The following KCNK1 variants were observed in gnomAD, a reference collection of about 807,000 sequenced individuals.
KCNK1 encodes the protein potassium two pore domain channel subfamily K member 1, also known as potassium channel subfamily K member 1.
Under a neutral mutation model 22.2 loss-of-function variants are expected in KCNK1, and 10 were observed. The ratio of observed to expected loss-of-function variants is 0.45; its 90% confidence interval spans 0.28 to 0.76. The LOEUF (loss-of-function observed/expected upper bound fraction) is 0.76, where lower values mean the gene tolerates loss of function less well. Among genes scored for constraint, KCNK1 ranks in the 30% least tolerant of loss-of-function variants. The probability of loss-of-function intolerance (pLI) is 0.14; values close to 1 mark genes in which losing one functional copy is unlikely to be tolerated. For synonymous variants in KCNK1, 200 were observed against 186.4 expected (o/e 1.07, Z -0.60); for missense variants, 378 against 421.0 (o/e 0.90, Z 0.89).
intron 1 of KCNK1, among the ~76,000 whole-genome samples, chr1:233,628,862 A>G (rs554811333): frequency 6.6e-5 from 10 of 152,222 alleles, no homozygotes; most frequent in South Asian, 6.2e-4. Context: ...GTTCAGAGAT[A>G]CTGAATGACC....
chr1:233,631,511 T>A (rs989219146), intron 1 of KCNK1: 1 of 340,776 alleles, frequency 2.9e-6, no homozygotes, highest in Non-Finnish European at 5.8e-6. Flanking sequence ...TTAATCTAAC[T>A]GAATTTCTCC....
At chr1:233,649,105 GA>G (rs1331435153) in intron 1 of KCNK1, among the ~76,000 whole-genome samples, 3 of 152,150 alleles carry the variant, frequency 2.0e-5, no homozygotes, top group Non-Finnish European at 4.4e-5. Context: ...AAACACTTAG[GA>G]GGAGTAAAAA....
At chr1:233,632,203 C>G (rs1302995110) in intron 1 of KCNK1, among the ~76,000 whole-genome samples, 1 of 152,198 alleles carries the variant, frequency 6.6e-6, no homozygotes, top group Non-Finnish European at 1.5e-5. Context: ...ATTTTATTCC[C>G]ACAGGCTGCT....
chr1:233,632,443 G>T lies in KCNK1; in HGVS notation c.355+17917G>T, dbSNP rs1773989. 5.4e-3 allele frequency among the ~76,000 whole-genome samples: 827 copies of T among 152,190 alleles called. 9 individuals are homozygous for T. The highest frequency in any genetic ancestry group is 0.019 in the African/African-American group (798 of 41,510). ...AGTTAATGAACTAATGAACCTCAGG[G>T]TTCATTTTTTTATAACCTTACCGGG... On this transcript the variant is annotated intron_variant, in intron 1 of 2. Transcript: ENST00000366621.
intron 2 of KCNK1, 114 bp from the exon 3 acceptor site, chr1:233,671,157 T>G: frequency 2.8e-5 from 26 of 923,690 alleles, no homozygotes; most frequent in Middle Eastern, 2.9e-4. Context: ...AAACTGGCAA[T>G]GAGTTTATTC....
intron 1 of KCNK1, among the ~76,000 whole-genome samples, chr1:233,616,308 G>T (rs1035553043): frequency 6.6e-5 from 10 of 152,164 alleles, no homozygotes; most frequent in African/African-American, 2.4e-4. Flanking sequence ...GAGGAAAAAG[G>T]TTTGCTTTTA....
At chr1:233,641,436 A>G (rs1045638400) in intron 1 of KCNK1, among the ~76,000 whole-genome samples, 13 of 152,230 alleles carry the variant, frequency 8.5e-5, no homozygotes, top group Admixed American at 7.8e-4. Flanking sequence ...TGATTATTGT[A>G]ATACAAGTGA....
chr1:233,620,432 T>A (rs1007611599), intron 1 of KCNK1, among the ~76,000 whole-genome samples: 1 of 152,252 alleles, frequency 6.6e-6, no homozygotes, highest in South Asian at 2.1e-4. Context: ...GAATAAATTA[T>A]GTATCACCAC....
chr1:233,657,743 C>G (rs1658324920), intron 1 of KCNK1, among the ~76,000 whole-genome samples: 1 of 152,044 alleles, frequency 6.6e-6, no homozygotes, highest in Non-Finnish European at 1.5e-5. Context: ...ACAGCCTGGT[C>G]TGTTACCTAT....
At chr1:233,625,753 G>T (rs959427092) in intron 1 of KCNK1, among the ~76,000 whole-genome samples, 1 of 152,158 alleles carries the variant, frequency 6.6e-6, no homozygotes, top group Non-Finnish European at 1.5e-5. Context: ...AAGCCTTACT[G>T]AGAAGATGGC....
intron 1 of KCNK1, chr1:233,631,161 T>C (rs1182124169): frequency 6.8e-6 from 3 of 444,054 alleles, no homozygotes; most frequent in African/African-American, 6.2e-5. Context: ...TTGTCCATCA[T>C]CCACAGTCTA....
chr1:233,614,459 C>T lies in KCNK1; in HGVS notation c.288C>T (p.Ala96=). The part of the protein sequence containing the change: ...SNYGVSVLSN[A]SGNWNWDFTS... ...ACGGCGTGTCGGTGCTCAGCAACGCCTCGGGCAACTGGAACTGGGACTTCA... is the reference window on the plus strand; with the variant it reads ...ACGGCGTGTCGGTGCTCAGCAACGCTTCGGGCAACTGGAACTGGGACTTCA... Residue 96 remains alanine (A), a synonymous_variant, in exon 1 of 3, where the codon GCC becomes GCT. Coordinates refer to ENST00000366621, the MANE Select transcript of KCNK1 (RefSeq NM_002245.4). The T allele has an allele frequency of 6.2e-7, 1 of 1,613,324 alleles. No individual in the cohort carries two copies. Among genetic ancestry groups the T allele is most frequent in the Non-Finnish European group, 8.5e-7 (1 of 1,179,758 alleles).
chr1:233,616,256 C>A (rs1657486760), intron 1 of KCNK1, among the ~76,000 whole-genome samples: 1 of 152,068 alleles, frequency 6.6e-6, no homozygotes, highest in African/African-American at 2.4e-5. Context: ...TGTTTTCTTA[C>A]TAATGATATT....
At chr1:233,646,496 A>G (rs1658095701) in intron 1 of KCNK1, among the ~76,000 whole-genome samples, 1 of 152,106 alleles carries the variant, frequency 6.6e-6, no homozygotes, top group Non-Finnish European at 1.5e-5. Context: ...GATCCTCCTC[A>G]GCTCTCAAGG....
At chr1:233,639,181 A>T (rs1272413951) in intron 1 of KCNK1, among the ~76,000 whole-genome samples, 1 of 152,198 alleles carries the variant, frequency 6.6e-6, no homozygotes, top group Non-Finnish European at 1.5e-5. Context: ...CTGACCTCAC[A>T]CAGTACTTGT....
At position 233,672,257 on chromosome 1, in the gene KCNK1, A is replaced by G. The variant is rs1042442723; in HGVS notation, c.*727A>G. ...TAACCATAGTATTCTGCTGCAATAA[A>G]TGTTTCTACCCTCTTGCGATAGAAT... On this transcript the variant is annotated 3_prime_UTR_variant, in exon 3 of 3. Coordinates refer to ENST00000366621, the MANE Select transcript of KCNK1 (RefSeq NM_002245.4). 1 of 152,536 alleles carries G rather than the reference A, an allele frequency of 6.6e-6. No individual in the cohort carries two copies. The highest frequency in any genetic ancestry group is 1.5e-5 in the Non-Finnish European group (1 of 68,012). 9.4% of individuals were successfully genotyped at this position (152,536 alleles called of 1,614,324 possible). A position where few individuals can be genotyped will look rare whatever the true frequency, so the allele number is the denominator to read the frequency against.
Position 233,664,521 on chromosome 1 carries a change from G to C in KCNK1, c.356-2074G>C, listed in dbSNP as rs558055624. Among the ~76,000 whole-genome samples, 3 of 152,290 alleles carry C rather than the reference G, an allele frequency of 2.0e-5. No individual in the cohort carries two copies. The South Asian group carries it at 6.2e-4, about 32-fold the overall frequency. On this transcript the variant is annotated intron_variant, in intron 1 of 2. Coordinates refer to ENST00000366621, the MANE Select transcript of KCNK1 (RefSeq NM_002245.4). ...TCAGGAGCCAACACTCAGAACAAGA[G>C]TAGTTCTTAACCATTTGAGGACGCG...
At chr1:233,618,808 C>T (rs981397362) in intron 1 of KCNK1, among the ~76,000 whole-genome samples, 1 of 151,968 alleles carries the variant, frequency 6.6e-6, no homozygotes, top group East Asian at 1.9e-4. Flanking sequence ...GGCTTGAACC[C>T]GGGAGGCGGA....
At chr1:233,667,506 G>A (rs1041853586) in intron 2 of KCNK1, among the ~76,000 whole-genome samples, 12 of 151,994 alleles carry the variant, frequency 7.9e-5, no homozygotes, top group Admixed American at 1.3e-4. Flanking sequence ...CGAGGCGGGC[G>A]GATCACGAGG....
Sources: allele counts gnomAD v4.1 joint callset (sites outside exome capture counted in the v4.1 genomes callset), GRCh38; gene constraint gnomAD v4.1.1; transcripts MANE v1.5; gene names NCBI Gene and HGNC (gene_info 2026-07-23, HGNC 2026-07-21).